Variants in CWH43 observed in about 807,000 individuals in gnomAD.
CWH43 encodes the protein cell wall biogenesis 43 C-terminal homolog.
CWH43 carries 91 observed loss-of-function variants against 85.7 expected under a neutral mutation model. That is an observed-to-expected ratio of 1.06 (90% CI 0.90 to 1.26). CWH43 has a LOEUF of 1.26. Ranked by LOEUF, CWH43 falls within the 50% of genes most tolerant of loss-of-function variation. CWH43 has a pLI of 0.00. For missense variants in CWH43, 869 were observed against 839.2 expected, an observed-to-expected ratio of 1.04 and a Z score of -0.44; for synonymous variants, 323 against 293.6, an observed-to-expected ratio of 1.10 and a Z score of -1.02.
intron 13 of CWH43, among the ~76,000 whole-genome samples, chr4:49,040,770 G>A (rs1406528844): frequency 2.0e-5 from 3 of 152,030 alleles, no homozygotes; most frequent in African/African-American, 7.2e-5. Flanking sequence ...TGTCAATTTT[G>A]GCTTTTGTTG....
At chr4:48,990,550 A>T (rs904892424) in intron 2 of CWH43, among the ~76,000 whole-genome samples, 9 of 152,192 alleles carry the variant, frequency 5.9e-5, no homozygotes, top group African/African-American at 2.2e-4. Flanking sequence ...ATTACTGTGT[A>T]ATTAACTATG....
At position 49,028,689 on chromosome 4, in the gene CWH43, G is replaced by A; in HGVS notation, c.1327G>A (p.Gly443Arg). The change falls in exon 10 of 16, where the codon GGG (glycine) becomes AGG (arginine). Residue 443 changes from glycine (G) to arginine (R), a missense_variant. Physicochemically the swap from Gly to Arg is moderately radical, Grantham distance 125 (BLOSUM62 -2). Coordinates refer to ENST00000226432, the MANE Select transcript of CWH43 (RefSeq NM_025087.3). ...WPFRFGYDNE[G>R]WSSLERSAHL... ...TTTCAGGTTTGGATATGACAATGAA[G>A]GGTGGTCTAGTCTAGAAAGATCAGC... 3.7e-6 allele frequency: 6 copies of A among 1,613,868 alleles called. No homozygotes were observed. The highest frequency in any genetic ancestry group is 5.1e-6 in the Non-Finnish European group (6 of 1,179,808).
intron 1 of CWH43, chr4:48,986,906 C>A: frequency 1.4e-6 from 1 of 723,090 alleles, no homozygotes; most frequent in Non-Finnish European, 1.7e-6. Context: ...TAGGTGGACA[C>A]TGGGCGGCAG....
At chr4:49,054,096 T>A (rs1784881527) in intron 15 of CWH43, among the ~76,000 whole-genome samples, 1 of 152,150 alleles carries the variant, frequency 6.6e-6, no homozygotes, top group South Asian at 2.1e-4. Flanking sequence ...CCCAGACCAA[T>A]GTTGAAGGTT....
At chr4:49,061,225 T>G (rs1785147829) in intron 15 of CWH43, among the ~76,000 whole-genome samples, 1 of 152,200 alleles carries the variant, frequency 6.6e-6, no homozygotes, top group Non-Finnish European at 1.5e-5. Context: ...CTTGTTATTA[T>G]TCTTTTAAGA....
intron 12 of CWH43, 123 bp from the exon 13 acceptor site, chr4:49,037,913 C>T (rs529418594): frequency 4.1e-5 from 30 of 730,760 alleles, no homozygotes; most frequent in African/African-American, 8.9e-5. Flanking sequence ...GACAGTTGCC[C>T]GAGTAGGAAT....
chr4:49,005,051 G>GA (rs886645426), intron 7 of CWH43, among the ~76,000 whole-genome samples: 4 of 151,980 alleles, frequency 2.6e-5, no homozygotes, highest in Non-Finnish European at 5.9e-5. Flanking sequence ...AAGATGAGGA[G>GA]AAAAAACATG....
intron 15 of CWH43, among the ~76,000 whole-genome samples, chr4:49,057,421 G>A (rs1300283669): frequency 6.6e-6 from 1 of 152,228 alleles, no homozygotes; most frequent in Non-Finnish European, 1.5e-5. Context: ...CTCTGAAAGA[G>A]GCAGTAAATA....
chr4:48,995,613 C>T (rs116465003), intron 5 of CWH43, among the ~76,000 whole-genome samples: 2,742 of 152,298 alleles, frequency 0.018, 29 homozygotes, highest in Middle Eastern at 0.031. Context: ...TTGTCCAAAT[C>T]TGAACTCAGT....
rs932815689 is a variant in CWH43, at chr4:49,039,992, G to A, written c.1803+1812G>A. Among the ~76,000 whole-genome samples the A allele has an allele frequency of 2.8e-4, 42 of 152,014 alleles. 1 individual carries two copies. The highest frequency in any genetic ancestry group is 8.7e-4 in the African/African-American group (36 of 41,466). Reference sequence around the variant, plus strand: ...TTCCCACCAATGAGTGAGAACATGCGGTGTTTGGTTTTTTCTCCTTGCGAT... The same window carrying A: ...TTCCCACCAATGAGTGAGAACATGCAGTGTTTGGTTTTTTCTCCTTGCGAT... On this transcript the variant is annotated intron_variant, in intron 13 of 15. Coordinates refer to ENST00000226432, the MANE Select transcript of CWH43 (RefSeq NM_025087.3).
At chr4:49,028,448 C>A (rs1783989092) in intron 9 of CWH43, among the ~76,000 whole-genome samples, 181 bp from the exon 10 acceptor site, 1 of 152,172 alleles carries the variant, frequency 6.6e-6, no homozygotes, top group Non-Finnish European at 1.5e-5. Context: ...TCACAGAAGA[C>A]TAATTTGAGA....
chr4:49,044,640 TG>T lies in CWH43; in HGVS notation c.1804-144del. The T allele has an allele frequency of 1.9e-5, 11 of 581,420 alleles. No homozygotes were observed. In the South Asian group the frequency reaches 2.8e-4, roughly 15 times the overall value. The allele number at this position is 581,420 out of a possible 1,614,324, so 36.0% of individuals were successfully genotyped here. A position where few individuals can be genotyped will look rare whatever the true frequency, so the allele number is the denominator to read the frequency against. On this transcript the variant is annotated intron_variant, in intron 13 of 15. Transcript: ENST00000226432. The stretch of plus-strand genomic sequence containing the variant: ...ATATATGTAGAATGAGCAAATAATT[TG>T]GACCAAAAAAGATCAGTAGGAGCCA...
At position 49,007,237 on chromosome 4, in the gene CWH43, T is replaced by C. The variant is rs751179545; in HGVS notation, c.1097T>C (p.Phe366Ser). The C allele has an allele frequency of 6.2e-7, 1 of 1,611,862 alleles. No homozygotes were observed. Among genetic ancestry groups the C allele is most frequent in the Non-Finnish European group, 8.5e-7 (1 of 1,178,942 alleles). Residue 366 changes from phenylalanine to serine, a missense_variant, in exon 8 of 16, where the codon TTT becomes TCT. Physicochemically the swap from Phe to Ser is radical, Grantham distance 155. Around this residue, in one of 3 missense-constraint regions of CWH43, gnomAD observed 577 missense variants for 513.1 expected, o/e 1.12. Coordinates refer to ENST00000226432, the MANE Select transcript of CWH43 (RefSeq NM_025087.3). ...TTAATTATCGGGCTGAATATGCTAT[T>C]TGGTCCTAAGAAAAACCTTGACTTG... is the stretch of plus-strand genomic sequence containing the variant. ...MMLIIGLNML[F>S]GPKKNLDLLL...
chr4:49,034,255 C>T (rs1353928042), intron 12 of CWH43, among the ~76,000 whole-genome samples: 1 of 152,058 alleles, frequency 6.6e-6, no homozygotes, highest in East Asian at 1.9e-4. Context: ...TTCCCATGAC[C>T]TTATGTTGTA....
intron 3 of CWH43, 64 bp from the exon 4 acceptor site, chr4:48,991,872 T>G: frequency 1.5e-6 from 2 of 1,371,630 alleles, no homozygotes; most frequent in Non-Finnish European, 2.0e-6. Context: ...AAACTGAAAT[T>G]CATGATGGAC....
At chr4:49,023,072 G>A (rs543948874) in intron 9 of CWH43, among the ~76,000 whole-genome samples, 33 of 151,964 alleles carry the variant, frequency 2.2e-4, no homozygotes, top group Non-Finnish European at 4.7e-4. Flanking sequence ...CTTTTCTTGT[G>A]CTGGGTTTGG....
At position 49,016,790 on chromosome 4, in the gene CWH43, T is replaced by A. The variant is rs115244850; in HGVS notation, c.1187-459T>A. On this transcript the variant is annotated intron_variant, in intron 8 of 15. Transcript: ENST00000226432. ...GCTTCTTCCCAATGCAGGTGATTACTCCAAGTCCCTCTGCCAGAGCACGGG... is the reference window on the plus strand; with the variant it reads ...GCTTCTTCCCAATGCAGGTGATTACACCAAGTCCCTCTGCCAGAGCACGGG... 547 of 776,082 alleles carry A rather than the reference T, an allele frequency of 7.0e-4. 3 individuals are homozygous for A. The African/African-American group carries it at 8.3e-3, about 12-fold the overall frequency. 48.1% of individuals were successfully genotyped at this position (776,082 alleles called of 1,614,324 possible).
At chr4:48,991,692 C>A in intron 3 of CWH43, 118 bp downstream of exon 3, 1 of 1,248,030 alleles carries the variant, frequency 8.0e-7, no homozygotes, top group South Asian at 1.5e-5. Flanking sequence ...TTGTCAAAGT[C>A]TCCTTTTTTT....
At chr4:48,999,068 CCTCT>C (rs1215647234) in intron 6 of CWH43, among the ~76,000 whole-genome samples, 1 of 152,000 alleles carries the variant, frequency 6.6e-6, no homozygotes. Context: ...TCTTCCTGAT[CCTCT>C]CTCTCCTCCT....
Sources: allele counts gnomAD v4.1 joint callset (sites outside exome capture counted in the v4.1 genomes callset), GRCh38; gene constraint gnomAD v4.1.1; regional missense constraint gnomAD v4.1.1; transcripts MANE v1.5; gene names NCBI Gene and HGNC (gene_info 2026-07-23, HGNC 2026-07-21).